Variants in CAPS2 observed in about 807,000 individuals in gnomAD.
CAPS2 encodes the protein calcyphosine 2.
A neutral mutation model predicts 86.5 loss-of-function variants in CAPS2; 98 were observed. The ratio of observed to expected loss-of-function variants is 1.13; its 90% confidence interval spans 0.96 to 1.34. The LOEUF (loss-of-function observed/expected upper bound fraction) is 1.34. Among genes scored for constraint, CAPS2 ranks in the 40% most tolerant of loss-of-function variants. The pLI, the probability that CAPS2 is intolerant of heterozygous loss-of-function variation, is 0.00. For synonymous variants in CAPS2, 210 were observed against 225.1 expected (o/e 0.93, Z 0.60); for missense variants, 729 against 686.8 (o/e 1.06, Z -0.69).
intron 14 of CAPS2, 86 bp from the exon 15 acceptor site, chr12:75,285,166 C>T (rs944459762): frequency 7.6e-7 from 1 of 1,308,236 alleles, no homozygotes; most frequent in Non-Finnish European, 1.1e-6. Context: ...GTTACATCTT[C>T]TGTAGTCCTA....
chr12:75,358,477 T>C (rs74108721), intron 1 of CAPS2, among the ~76,000 whole-genome samples: 2,360 of 151,310 alleles, frequency 0.016, 50 homozygotes, highest in African/African-American at 0.054. Context: ...ATTATCTCAA[T>C]AGATTCAGAA....
chr12:75,353,369 C>G (rs374745811), intron 1 of CAPS2, among the ~76,000 whole-genome samples: 1 of 152,206 alleles, frequency 6.6e-6, no homozygotes, highest in Admixed American at 6.5e-5. Flanking sequence ...ATAAACACCT[C>G]TGTGCAAATC....
chr12:75,363,010 T>C lies in CAPS2; in HGVS notation c.-395+27828A>G. Reference sequence around the variant, plus strand: ...TTTTTCATTTTCAACATTTATGACTTAATAAATGACTAAAACAACTTGCAT... The same window carrying C: ...TTTTTCATTTTCAACATTTATGACTCAATAAATGACTAAAACAACTTGCAT... On this transcript the variant is annotated intron_variant, in intron 1 of 5. Transcript: ENST00000551829. The C allele has an allele frequency of 1.2e-5, 7 of 586,772 alleles. No homozygotes were observed. The South Asian group carries it at 1.4e-4, about 11-fold the overall frequency. The allele number at this position is 586,772 out of a possible 1,614,324, so 36.3% of individuals were successfully genotyped here.
intron 12 of CAPS2, 67 bp downstream of exon 12, chr12:75,293,182 A>G: frequency 2.1e-6 from 2 of 959,852 alleles, no homozygotes; most frequent in Non-Finnish European, 3.3e-6. Flanking sequence ...GTAGAATGTC[A>G]TTTTAAGATA....
At chr12:75,305,545 C>A in intron 7 of CAPS2, 1 of 623,696 alleles carries the variant, frequency 1.6e-6, no homozygotes. Context: ...AGGCGTTCCT[C>A]CGTCCGCGAC....
At chr12:75,287,865 C>T (rs1368177305) in intron 14 of CAPS2, among the ~76,000 whole-genome samples, 4 of 152,104 alleles carry the variant, frequency 2.6e-5, no homozygotes, top group South Asian at 2.1e-4. Context: ...AACTTGTGAC[C>T]GGTGCTCTAT....
chr12:75,320,979 A>T (rs2040246490), intron 5 of CAPS2, among the ~76,000 whole-genome samples: 1 of 152,080 alleles, frequency 6.6e-6, no homozygotes, highest in South Asian at 2.1e-4. Flanking sequence ...ACAGTAATGA[A>T]GTGATGGTAG....
intron 8 of CAPS2, among the ~76,000 whole-genome samples, chr12:75,303,633 G>C (rs1443234557): frequency 1.3e-5 from 2 of 152,308 alleles, no homozygotes; most frequent in South Asian, 2.1e-4. Flanking sequence ...AAAAAGGACA[G>C]TTTAGATGTG....
chr12:75,385,480 C>CA (rs896281648), intron 1 of CAPS2, among the ~76,000 whole-genome samples: 12 of 151,456 alleles, frequency 7.9e-5, no homozygotes, highest in African/African-American at 1.7e-4. Context: ...TCAATATTTA[C>CA]AAAAAAAAGC....
chr12:75,320,516 A>G (rs2040202465), intron 5 of CAPS2, among the ~76,000 whole-genome samples: 1 of 152,108 alleles, frequency 6.6e-6, no homozygotes, highest in African/African-American at 2.4e-5. Flanking sequence ...AAGAAAGATC[A>G]AATAATCCCA....
chr12:75,279,228 A>G (rs931548824), intron 16 of CAPS2, among the ~76,000 whole-genome samples, 163 bp from the exon 17 acceptor site: 9 of 152,034 alleles, frequency 5.9e-5, no homozygotes, highest in African/African-American at 2.2e-4. Flanking sequence ...GAATTATTTC[A>G]TCTCATTCGA....
chr12:75,308,434 C>T (rs1358097022), intron 7 of CAPS2, among the ~76,000 whole-genome samples: 1 of 152,176 alleles, frequency 6.6e-6, no homozygotes, highest in South Asian at 2.1e-4. Context: ...GAGCCACTTG[C>T]GTGGGCTGCT....
At chr12:75,369,969 A>G (rs559310442) in intron 1 of CAPS2, 4 of 1,077,550 alleles carry the variant, frequency 3.7e-6, no homozygotes, top group Non-Finnish European at 5.3e-6. Flanking sequence ...GGGACTCCAC[A>G]ACTTATTATA....
chr12:75,331,928 ATTCCAGAAAT>A (rs1291959699), upstream of CAPS2, among the ~76,000 whole-genome samples: 4 of 152,220 alleles, frequency 2.6e-5, no homozygotes, highest in African/African-American at 9.6e-5. Flanking sequence ...AACCTTGGCC[ATTCCAGAAAT>A]AGATGTTCAA....
chr12:75,306,108 A>G (rs1593404445), intron 7 of CAPS2: 1 of 1,324,144 alleles, frequency 7.6e-7, no homozygotes, highest in South Asian at 1.2e-5. Flanking sequence ...GAAGCACTCC[A>G]CCTTCCACAT....
Position 75,293,236 on chromosome 12 carries a change from A to G in CAPS2, c.1163+13T>C. On this transcript the variant is annotated intron_variant, in intron 12 of 16. Transcript: ENST00000393284. ...CACCTACTTTCAAATTGCCAAATGC[A>G]TATTTAACTTACTTGAGAGAATCCA... is the stretch of plus-strand genomic sequence containing the variant. The G allele has an allele frequency of 1.4e-6, 2 of 1,464,352 alleles. No individual in the cohort carries two copies. The highest frequency in any genetic ancestry group is 1.7e-4 in the Middle Eastern group (1 of 5,768). The allele number at this position is 1,464,352 out of a possible 1,614,324, so 90.7% of individuals were successfully genotyped here.
intron 1 of CAPS2, among the ~76,000 whole-genome samples, chr12:75,349,251 T>C (rs1034378840): frequency 1.3e-5 from 2 of 152,202 alleles, no homozygotes; most frequent in Non-Finnish European, 2.9e-5. Flanking sequence ...CAATTCATAA[T>C]GTAAAACCTG....
chr12:75,388,067 C>T (rs147485233), intron 1 of CAPS2, among the ~76,000 whole-genome samples: 11 of 152,258 alleles, frequency 7.2e-5, no homozygotes, highest in East Asian at 1.9e-4. Context: ...ATAATCCCCA[C>T]GTGTCATGGG....
chr12:75,367,999 T>A (rs1425027563), intron 1 of CAPS2, among the ~76,000 whole-genome samples: 1 of 152,162 alleles, frequency 6.6e-6, no homozygotes, highest in Non-Finnish European at 1.5e-5. Flanking sequence ...TTAATTTGAA[T>A]AAATGTTAAC....
Sources: gnomAD v4.1 joint callset for allele counts (sites outside exome capture counted in the v4.1 genomes callset) on GRCh38, gnomAD v4.1.1 for gene constraint, MANE v1.5 for transcripts, NCBI Gene and HGNC (gene_info 2026-07-23, HGNC 2026-07-21) for gene names.